NAV3: variants seen among roughly 807,000 people sequenced by gnomAD.
NAV3 encodes the protein pore membrane and/or filament interacting like protein 1.
NAV3 carries 87 observed loss-of-function variants against 244.7 expected under a neutral mutation model. The ratio of observed to expected loss-of-function variants is 0.36; its 90% CI spans 0.30 to 0.42. The LOEUF is 0.42. NAV3 is among the 20% of genes least tolerant of loss of function. NAV3 has a pLI of 1.00. For missense variants in NAV3, 2,663 were observed against 2,893.3 expected (o/e 0.92, Z 1.83); for synonymous variants, 1,126 against 1,042.2 (o/e 1.08, Z -1.55).
At chr12:77,844,522 AT>A (rs1207850685) in intron 1 of NAV3, among the ~76,000 whole-genome samples, 2 of 152,136 alleles carry the variant, frequency 1.3e-5, no homozygotes, top group Admixed American at 6.6e-5. Flanking sequence ...TGTGCAATAA[AT>A]TTTTTTGAGT....
intron 9 of NAV3, chr12:78,037,213 A>G (rs1219827353): frequency 2.8e-5 from 20 of 702,858 alleles, no homozygotes; most frequent in Non-Finnish European, 4.4e-5. Context: ...GAGAGTGATG[A>G]AGATAGTAGG....
upstream of NAV3, among the ~76,000 whole-genome samples, chr12:77,830,708 A>C (rs1461109447): frequency 6.6e-6 from 1 of 152,234 alleles, no homozygotes; most frequent in Admixed American, 6.5e-5. Context: ...ATCGTGGCTC[A>C]TGGCTGTCAG....
intron 2 of NAV3, among the ~76,000 whole-genome samples, chr12:77,677,476 A>G (rs1267043260): frequency 6.6e-6 from 1 of 152,194 alleles, no homozygotes; most frequent in Non-Finnish European, 1.5e-5. Context: ...AAGGGTCCCA[A>G]CACATATTCA....
rs1329730234 is a variant in NAV3 at position 78,211,791 on chromosome 12, A to T, written c.*1274A>T. 1 of 152,534 alleles carries T rather than the reference A, an allele frequency of 6.6e-6. No individual in the cohort carries two copies. The highest frequency in any genetic ancestry group is 1.9e-4 in the East Asian group (1 of 5,186). The allele number at this position is 152,534 out of a possible 1,614,324, so 9.4% of individuals were successfully genotyped here. A position where few individuals can be genotyped will look rare whatever the true frequency, so the allele number is the denominator to read the frequency against. On this transcript the variant is annotated 3_prime_UTR_variant, in exon 40 of 40. Coordinates refer to ENST00000397909, the MANE Select transcript of NAV3 (RefSeq NM_001024383.2). The stretch of plus-strand genomic sequence containing the variant: ...GTTGTTTTGATTGCTATTGTTGTAC[A>T]TGAGAAATTCAGCATTAAAGAACAC...
chr12:77,865,395 T>C (rs1172597810), intron 1 of NAV3, among the ~76,000 whole-genome samples: 1 of 151,986 alleles, frequency 6.6e-6, no homozygotes, highest in East Asian at 1.9e-4. Context: ...ACACACATAA[T>C]GGAACTTGTT....
At chr12:77,857,419 A>G (rs1399191891) in intron 1 of NAV3, among the ~76,000 whole-genome samples, 1 of 151,970 alleles carries the variant, frequency 6.6e-6, no homozygotes, top group African/African-American at 2.4e-5. Context: ...GGTTGCATTG[A>G]ATAAGAAGTT....
At chr12:78,004,045 G>A (rs1459892493) in intron 7 of NAV3, among the ~76,000 whole-genome samples, 2 of 152,144 alleles carry the variant, frequency 1.3e-5, no homozygotes. Flanking sequence ...GTAAACATGT[G>A]GAAAGAAGAG....
At chr12:77,882,913 T>C (rs999893007) in intron 1 of NAV3, among the ~76,000 whole-genome samples, 16 of 152,012 alleles carry the variant, frequency 1.1e-4, no homozygotes, top group Non-Finnish European at 2.2e-4. Context: ...TGGCTATTAT[T>C]AAAAAGTCAA....
intron 2 of NAV3, among the ~76,000 whole-genome samples, chr12:77,588,535 C>T (rs1331315841): frequency 6.6e-6 from 1 of 152,118 alleles, no homozygotes; most frequent in Non-Finnish European, 1.5e-5. Flanking sequence ...TCACACCACA[C>T]CTGATGTTGC....
In NAV3 at chr12:77,647,888, C is replaced by T. The variant is rs17044021; in HGVS notation, c.72+75622C>T. Among the ~76,000 whole-genome samples the T allele has an allele frequency of 6.3e-3, 963 of 152,140 alleles. 23 individuals are homozygous for T. The highest frequency in any genetic ancestry group is 0.05 in the Admixed American group (757 of 15,260). The stretch of plus-strand genomic sequence containing the variant: ...TAAAATAAAAATGTGGTTTTCTGTA[C>T]TTTAATTTGCAGTGTACATCTCTAC... On this transcript the variant is annotated intron_variant, in intron 2 of 8. Coordinates refer to the NAV3 transcript ENST00000550042.
At chr12:77,619,870 G>GTCTC (rs1185326530) in intron 2 of NAV3, among the ~76,000 whole-genome samples, 1 of 151,366 alleles carries the variant, frequency 6.6e-6, no homozygotes, top group African/African-American at 2.4e-5. Flanking sequence ...GTGACAAAAA[G>GTCTC]TCTCTCTCTC....
rs1188634484 is a variant in NAV3, at chr12:77,642,264, G to A, written c.72+69998G>A. The stretch of plus-strand genomic sequence containing the variant: ...GATGTCTTTGTCTCCCAAGAGCTCA[G>A]TGTTTTAAAAATCTTTAATTATTAT... On this transcript the variant is annotated intron_variant, in intron 2 of 8. Coordinates refer to the NAV3 transcript ENST00000550042. Among the ~76,000 whole-genome samples the A allele has an allele frequency of 2.6e-5, 4 of 152,210 alleles. No homozygotes were observed. The East Asian group carries it at 7.7e-4, about 29-fold the overall frequency.
Position 77,658,901 on chromosome 12 carries a change from T to G in NAV3, c.72+86635T>G, listed in dbSNP as rs537338475. Reference sequence around the variant, plus strand: ...TAAATGGGGCTGGGAAAACTGGCTATCCATATGTAGAAAGCTGAAACTGGA... The same window carrying G: ...TAAATGGGGCTGGGAAAACTGGCTAGCCATATGTAGAAAGCTGAAACTGGA... On this transcript the variant is annotated intron_variant, in intron 2 of 8. Coordinates refer to the NAV3 transcript ENST00000550042. Among the ~76,000 whole-genome samples the G allele has an allele frequency of 5.1e-3, 773 of 152,218 alleles. 2 individuals carry two copies. The highest frequency in any genetic ancestry group is 6.5e-3 in the Non-Finnish European group (440 of 68,002).
intron 9 of NAV3, among the ~76,000 whole-genome samples, chr12:78,029,835 A>G (rs1027300576): frequency 3.3e-5 from 5 of 152,186 alleles, no homozygotes; most frequent in Non-Finnish European, 7.4e-5. Flanking sequence ...GTACTTATGT[A>G]TAAATAATTG....
chr12:78,039,720 A>G (rs1040606492), intron 9 of NAV3, among the ~76,000 whole-genome samples: 2 of 152,146 alleles, frequency 1.3e-5, no homozygotes, highest in African/African-American at 2.4e-5. Context: ...CACAGATTAA[A>G]TGGTCTGTCT....
intron 2 of NAV3, among the ~76,000 whole-genome samples, chr12:77,715,877 A>G (rs1282110001): frequency 1.3e-5 from 2 of 152,068 alleles, no homozygotes; most frequent in African/African-American, 4.8e-5. Context: ...ACATCATGAG[A>G]GCATGGGGTC....
At chr12:78,021,709 T>C in intron 8 of NAV3, 38 bp from the exon 9 acceptor site, 1 of 1,397,652 alleles carries the variant, frequency 7.2e-7, no homozygotes, top group Non-Finnish European at 1.0e-6. Flanking sequence ...CTAGTGACTA[T>C]AACTGCTATT....
At chr12:78,114,083 A>G (rs1274233772) in intron 12 of NAV3, among the ~76,000 whole-genome samples, 1 of 152,208 alleles carries the variant, frequency 6.6e-6, no homozygotes, top group African/African-American at 2.4e-5. Context: ...CTAAAGCATA[A>G]CAAGAGTCAC....
intron 2 of NAV3, among the ~76,000 whole-genome samples, chr12:77,678,500 T>G (rs1874307513): frequency 6.6e-6 from 1 of 152,194 alleles, no homozygotes; most frequent in Admixed American, 6.6e-5. Context: ...ATCATATCTT[T>G]ATAGTATTTT....
Sources: gnomAD v4.1 joint callset for allele counts (sites outside exome capture counted in the v4.1 genomes callset) on GRCh38, gnomAD v4.1.1 for gene constraint, MANE v1.5 for transcripts, NCBI Gene and HGNC (gene_info 2026-07-23, HGNC 2026-07-21) for gene names.